MACROD2: variants seen among roughly 807,000 people sequenced by gnomAD.
MACROD2 encodes ADP-ribose glycohydrolase MACROD2.
A neutral mutation model predicts 70.4 loss-of-function variants in MACROD2; 36 were observed. The ratio of observed to expected loss-of-function variants is 0.51; its 90% CI spans 0.39 to 0.68. The LOEUF is 0.68. MACROD2 is among the 30% of genes least tolerant of loss of function. The pLI, the probability that MACROD2 is intolerant of heterozygous loss-of-function variation, is 0.00. For synonymous variants in MACROD2, 172 were observed against 178.8 expected, an observed-to-expected ratio of 0.96 and a Z score of 0.30; for missense variants, 496 against 538.4, an observed-to-expected ratio of 0.92 and a Z score of 0.78.
chr20:14,500,785 A>G (rs1002991336), intron 4 of MACROD2, among the ~76,000 whole-genome samples: 2 of 152,252 alleles, frequency 1.3e-5, no homozygotes, highest in African/African-American at 2.4e-5. Flanking sequence ...AACCCTATGC[A>G]GATTAAATGC....
At chr20:15,320,739 T>G (rs1782655378) in intron 6 of MACROD2, among the ~76,000 whole-genome samples, 1 of 152,138 alleles carries the variant, frequency 6.6e-6, no homozygotes, top group Admixed American at 6.5e-5. Context: ...AGGCACTTAC[T>G]CCTTAGGTCC....
At chr20:14,032,934 C>G (rs1263456084) in intron 2 of MACROD2, among the ~76,000 whole-genome samples, 1 of 152,090 alleles carries the variant, frequency 6.6e-6, no homozygotes, top group Non-Finnish European at 1.5e-5. Context: ...TATTATTGCT[C>G]TAATGATTTA....
intron 5 of MACROD2, among the ~76,000 whole-genome samples, chr20:14,701,688 G>A (rs6135228): frequency 0.35 from 52,480 of 151,926 alleles, 9,650 homozygotes; most frequent in East Asian, 0.6. Context: ...TTTTCCCTTC[G>A]TATAATTAAT....
At chr20:14,978,398 G>GGCTAATTTAATGAGATATTTACATT (rs2074762566) in intron 5 of MACROD2, among the ~76,000 whole-genome samples, 1 of 139,940 alleles carries the variant, frequency 7.1e-6, no homozygotes, top group Non-Finnish European at 1.5e-5. Context: ...TTTTTAAGTT[G>GGCTAATTTAATGAGATATTTACATT]GCTAATTTAA....
intron 5 of MACROD2, among the ~76,000 whole-genome samples, chr20:15,086,172 A>G (rs2075747302): frequency 6.6e-6 from 1 of 152,170 alleles, no homozygotes; most frequent in African/African-American, 2.4e-5. Context: ...AGAATTAAAA[A>G]AATTATTCAA....
intron 6 of MACROD2, among the ~76,000 whole-genome samples, chr20:15,344,220 C>T (rs1237919729): frequency 1.3e-5 from 2 of 152,182 alleles, no homozygotes; most frequent in African/African-American, 4.8e-5. Context: ...ACAGGCTCTT[C>T]CTCCTACTTT....
At chr20:15,819,820 T>C (rs2147100844) in intron 8 of MACROD2, among the ~76,000 whole-genome samples, 1 of 152,162 alleles carries the variant, frequency 6.6e-6, no homozygotes, top group East Asian at 1.9e-4. Flanking sequence ...GGCAGATATA[T>C]AGAATGAACA....
intron 3 of MACROD2, among the ~76,000 whole-genome samples, chr20:14,146,657 A>T (rs1341969915): frequency 1.3e-5 from 2 of 152,196 alleles, no homozygotes; most frequent in Non-Finnish European, 2.9e-5. Context: ...CTCTTTGCTG[A>T]TGGAGAAATC....
chr20:14,182,735 A>C (rs2081314657), intron 3 of MACROD2, among the ~76,000 whole-genome samples: 1 of 152,070 alleles, frequency 6.6e-6, no homozygotes, highest in Admixed American at 6.6e-5. Context: ...AAGCACTTAC[A>C]GTTTGGGAGC....
chr20:14,732,961 A>G (rs2071616404), intron 5 of MACROD2, among the ~76,000 whole-genome samples: 1 of 152,204 alleles, frequency 6.6e-6, no homozygotes, highest in Non-Finnish European at 1.5e-5. Context: ...CATCTCACCA[A>G]ATAGAAGAAT....
chr20:14,765,174 T>C (rs923057508), intron 5 of MACROD2, among the ~76,000 whole-genome samples: 1 of 152,128 alleles, frequency 6.6e-6, no homozygotes, highest in Non-Finnish European at 1.5e-5. Context: ...GAAAATGTGA[T>C]TCAATTAGTA....
At chr20:14,305,842 A>T (rs2082515914) in intron 3 of MACROD2, among the ~76,000 whole-genome samples, 1 of 148,452 alleles carries the variant, frequency 6.7e-6, no homozygotes, top group African/African-American at 2.5e-5. Flanking sequence ...TTTGTTACAT[A>T]TTTTTTTTTT....
chr20:14,092,272 C>T (rs887047519), intron 3 of MACROD2, among the ~76,000 whole-genome samples: 1 of 151,956 alleles, frequency 6.6e-6, no homozygotes, highest in African/African-American at 2.4e-5. Context: ...TGTCAAACAC[C>T]TCTCCATATG....
intron 6 of MACROD2, among the ~76,000 whole-genome samples, chr20:15,256,306 A>G (rs1568672205): frequency 6.6e-6 from 1 of 152,094 alleles, no homozygotes; most frequent in Non-Finnish European, 1.5e-5. Flanking sequence ...CATGAAATTT[A>G]GAATGTCTGG....
chr20:14,788,522 G>T (rs2072402755), intron 5 of MACROD2, among the ~76,000 whole-genome samples: 1 of 149,510 alleles, frequency 6.7e-6, no homozygotes. Context: ...GGAGGTTGAG[G>T]GTGCAGTGAG....
intron 5 of MACROD2, among the ~76,000 whole-genome samples, chr20:14,909,108 T>A (rs1269886415): frequency 2.0e-5 from 3 of 152,122 alleles, no homozygotes; most frequent in African/African-American, 7.2e-5. Context: ...GATGAGATCT[T>A]AGTGGTGAAA....
chr20:15,085,873 A>AACACACAC (rs3070249), intron 5 of MACROD2, among the ~76,000 whole-genome samples: 2,684 of 144,350 alleles, frequency 0.019, 39 homozygotes, highest in East Asian at 0.029. Context: ...ACACACACAC[A>AACACACAC]ACACACACAC....
intron 4 of MACROD2, among the ~76,000 whole-genome samples, chr20:14,667,017 G>A (rs1021167869): frequency 4.6e-5 from 7 of 151,484 alleles, no homozygotes; most frequent in Non-Finnish European, 8.8e-5. Context: ...CAACAATCCT[G>A]CCTGAAAACT....
intron 5 of MACROD2, among the ~76,000 whole-genome samples, chr20:15,212,199 T>A (rs2076770056): frequency 6.6e-6 from 1 of 152,254 alleles, no homozygotes; most frequent in Non-Finnish European, 1.5e-5. Flanking sequence ...TCCTTAAATC[T>A]ATTAAAAGAC....
Sources: gnomAD v4.1 joint callset for allele counts (sites outside exome capture counted in the v4.1 genomes callset) on GRCh38, gnomAD v4.1.1 for gene constraint, MANE v1.5 for transcripts, NCBI Gene and HGNC (gene_info 2026-07-23, HGNC 2026-07-21) for gene names.